ELAVL1: variants seen among roughly 807,000 people sequenced by gnomAD.
The protein encoded by ELAVL1 is ELAV like RNA binding protein 1.
In ELAVL1, 1 loss-of-function variant was observed where a neutral mutation model predicts 28.4. That is an observed-to-expected ratio of 0.04 (90% CI 0.01 to 0.17). The LOEUF is 0.17. Among genes scored for constraint, ELAVL1 ranks in the 10% least tolerant of loss-of-function variants. ELAVL1 has a pLI of 1.00. For missense variants in ELAVL1, 157 were observed against 447.2 expected, an observed-to-expected ratio of 0.35 and a Z score of 5.85; for synonymous variants, 174 against 183.5, an observed-to-expected ratio of 0.95 and a Z score of 0.42.
At chr19:8,000,403 AGTGAGGCTGCTTTCCACCAG>A (rs1046226699) in intron 1 of ELAVL1, among the ~76,000 whole-genome samples, 4 of 152,222 alleles carry the variant, frequency 2.6e-5, no homozygotes, top group Non-Finnish European at 4.4e-5. Context: ...AGAGTGAAGC[AGTGAGGCTGCTTTCCACCAG>A]GCAAGCATGA....
At position 7,960,652 on chromosome 19, in the gene ELAVL1, A is replaced by T. The variant is rs1408832657; in HGVS notation, c.*2831T>A. On this transcript the variant is annotated 3_prime_UTR_variant, in exon 6 of 6. Coordinates refer to ENST00000407627, the MANE Select transcript of ELAVL1 (RefSeq NM_001419.3). ...ACACGGGTCAAAAGGGAATTCAATC[A>T]AAGCCTCTTTGGTATTTCCCAAACC... is the stretch of plus-strand genomic sequence containing the variant. The T allele has an allele frequency of 1.3e-5, 2 of 152,674 alleles. No individual in the cohort carries two copies. Among genetic ancestry groups the T allele is most frequent in the Non-Finnish European group, 2.9e-5 (2 of 68,046 alleles). 9.5% of individuals were successfully genotyped at this position (152,674 alleles called of 1,614,324 possible). A position where few individuals can be genotyped will look rare whatever the true frequency, so the allele number is the denominator to read the frequency against.
intron 1 of ELAVL1, among the ~76,000 whole-genome samples, chr19:7,999,207 T>C (rs1397340730): frequency 6.6e-6 from 1 of 152,162 alleles, no homozygotes. Context: ...ACCCTGTCTA[T>C]ACTGAAAATA....
intron 1 of ELAVL1, among the ~76,000 whole-genome samples, chr19:8,000,931 C>T (rs2145230804): frequency 6.6e-6 from 1 of 152,370 alleles, no homozygotes; most frequent in East Asian, 1.9e-4. Context: ...AGGCCAAAGG[C>T]CACTGCAGGG....
rs1599662739 is a variant in ELAVL1, at chr19:7,963,853, C to T, written c.657-46G>A. The T allele has an allele frequency of 6.3e-7, 1 of 1,582,320 alleles. No homozygotes were observed. Among genetic ancestry groups the T allele is most frequent in the Non-Finnish European group, 8.6e-7 (1 of 1,163,082 alleles). On this transcript the variant is annotated intron_variant, in intron 5 of 5. Coordinates refer to ENST00000407627, the MANE Select transcript of ELAVL1 (RefSeq NM_001419.3). This position sits in a 1 kb window ranked among gnomAD's most constrained non-coding sequence, Gnocchi z 4.5. Reference sequence around the variant, plus strand: ...GTCAGGCCACGGTCAGCGCAGGCGGCCTGGGGATGGGGCAAGGCCTGGACG... The same window carrying T: ...GTCAGGCCACGGTCAGCGCAGGCGGTCTGGGGATGGGGCAAGGCCTGGACG...
intron 3 of ELAVL1, among the ~76,000 whole-genome samples, chr19:7,980,453 G>A (rs997505136): frequency 2.6e-5 from 4 of 152,178 alleles, no homozygotes; most frequent in African/African-American, 4.8e-5. Flanking sequence ...ACGAGAGCGC[G>A]GGTCAGATGA....
intron 1 of ELAVL1, among the ~76,000 whole-genome samples, chr19:8,001,448 T>C (rs1404421659): frequency 1.3e-5 from 2 of 152,102 alleles, no homozygotes; most frequent in African/African-American, 4.8e-5. Flanking sequence ...CTAGACCGAC[T>C]CCTAAGTGGG....
In ELAVL1 at chr19:7,981,017, G is replaced by A; in HGVS notation, c.276+66C>T. 1 of 1,502,344 alleles carries A rather than the reference G, an allele frequency of 6.7e-7. No homozygotes were observed. Among genetic ancestry groups the A allele is most frequent in the Admixed American group, 1.7e-5 (1 of 59,686 alleles). The allele number at this position is 1,502,344 out of a possible 1,614,324, so 93.1% of individuals were successfully genotyped here. On this transcript the variant is annotated intron_variant, in intron 3 of 5. Coordinates refer to ENST00000407627, the MANE Select transcript of ELAVL1 (RefSeq NM_001419.3). The surrounding 1 kb of genome is among the most constrained non-coding windows in gnomAD (Gnocchi z 4.2). ...CCCTTGGAGAGTGACTGTGAGGCTGGGCGGGGCTCAGCACAGACCTGTGCC... is the reference window on the plus strand; with the variant it reads ...CCCTTGGAGAGTGACTGTGAGGCTGAGCGGGGCTCAGCACAGACCTGTGCC...
chr19:7,998,781 CCTCCCAG>C (rs1311266966), intron 1 of ELAVL1, among the ~76,000 whole-genome samples: 1 of 151,918 alleles, frequency 6.6e-6, no homozygotes, highest in African/African-American at 2.4e-5. Context: ...CCATGCCTGG[CCTCCCAG>C]CTCACTTCTA....
chr19:8,003,355 CAAAAAAAAAAAAAAAAAAAGAAAAAGA>C (rs1157998451), intron 1 of ELAVL1, among the ~76,000 whole-genome samples: 10 of 61,090 alleles, frequency 1.6e-4, no homozygotes, highest in Admixed American at 2.7e-4. Flanking sequence ...GAAACTGTCT[CAAAAAAAAAAAAAAAAAAAGAAAAAGA>C]AAAAAAAAAA....
chr19:7,986,026 A>AAC (rs1479368880), intron 2 of ELAVL1, among the ~76,000 whole-genome samples: 1 of 152,240 alleles, frequency 6.6e-6, no homozygotes, highest in African/African-American at 2.4e-5. Context: ...ACACTGGGCA[A>AAC]ACACTGGCCA....
At chr19:7,996,024 T>C (rs1489880645) in intron 1 of ELAVL1, among the ~76,000 whole-genome samples, 1 of 152,084 alleles carries the variant, frequency 6.6e-6, no homozygotes, top group South Asian at 2.1e-4. Context: ...GCAATCCTCC[T>C]GCCTCAGCCT....
chr19:8,002,589 C>G (rs1387450508), intron 1 of ELAVL1, among the ~76,000 whole-genome samples: 1 of 152,246 alleles, frequency 6.6e-6, no homozygotes, highest in African/African-American at 2.4e-5. Context: ...CGCTGCGCTT[C>G]TCTCGCCATT....
At chr19:7,986,458 C>T (rs549025572) in intron 2 of ELAVL1, among the ~76,000 whole-genome samples, 1 of 152,352 alleles carries the variant, frequency 6.6e-6, no homozygotes, top group South Asian at 2.1e-4. Context: ...ATAGGAATCA[C>T]CCTGATCGGA....
intron 3 of ELAVL1, among the ~76,000 whole-genome samples, chr19:7,978,693 G>C (rs74662365): frequency 0.17 from 25,968 of 151,976 alleles, 2,454 homozygotes; most frequent in Non-Finnish European, 0.22. Flanking sequence ...CACCCTGAAG[G>C]GGTGGCGGGA....
chr19:7,967,823 G>A (rs376836065), intron 4 of ELAVL1, 33 bp from the exon 5 acceptor site: 42 of 1,600,934 alleles, frequency 2.6e-5, no homozygotes, highest in African/African-American at 1.3e-4. Flanking sequence ...CGGAGTTAGG[G>A]GGAAAAACGC....
chr19:7,988,557 G>T (rs895730606), intron 2 of ELAVL1, among the ~76,000 whole-genome samples: 50 of 152,206 alleles, frequency 3.3e-4, no homozygotes, highest in South Asian at 2.1e-4. Flanking sequence ...TCTGGAAGGA[G>T]GTGGAGACAG....
At position 7,961,466 on chromosome 19, in the gene ELAVL1, C is replaced by G. The variant is rs1984806722; in HGVS notation, c.*2017G>C. 1.3e-5 allele frequency: 2 copies of G among 152,236 alleles called. No individual in the cohort carries two copies. Among genetic ancestry groups the G allele is most frequent in the South Asian group, 4.1e-4 (2 of 4,822 alleles). The allele number at this position is 152,236 out of a possible 1,614,324, so 9.4% of individuals were successfully genotyped here. ...CCACCTTCCATCAGAAGATGCTGGC[C>G]CAGGGAAACCTGAAAGGCTTCTTTT... is the stretch of plus-strand genomic sequence containing the variant. On this transcript the variant is annotated 3_prime_UTR_variant, in exon 6 of 6. Coordinates refer to ENST00000407627, the MANE Select transcript of ELAVL1 (RefSeq NM_001419.3).
chr19:7,970,396 C>T (rs1309998571), intron 4 of ELAVL1, among the ~76,000 whole-genome samples: 1 of 152,192 alleles, frequency 6.6e-6, no homozygotes, highest in African/African-American at 2.4e-5. Context: ...ACCTCGTGAT[C>T]CGCCCACCTT....
chr19:7,991,935 T>C, intron 1 of ELAVL1, 104 bp from the exon 2 acceptor site: 1 of 966,884 alleles, frequency 1.0e-6, no homozygotes, highest in Non-Finnish European at 1.4e-6. Flanking sequence ...TTTCTTTCTT[T>C]TTTTTTTTTT....
Sources: allele counts gnomAD v4.1 joint callset (sites outside exome capture counted in the v4.1 genomes callset), GRCh38; gene constraint gnomAD v4.1.1; non-coding constraint Gnocchi (gnomAD v3.1); transcripts MANE v1.5; gene names NCBI Gene and HGNC (gene_info 2026-07-23, HGNC 2026-07-21).